Variants in ARHGEF28 observed in about 807,000 individuals in gnomAD.
The protein encoded by ARHGEF28 is 190 kDa guanine nucleotide exchange factor.
Under a neutral mutation model 206.6 loss-of-function variants are expected in ARHGEF28, and 152 were observed. The observed-to-expected ratio is 0.74, with a 90% CI of 0.64 to 0.84. ARHGEF28 has a LOEUF of 0.84. Ranked by LOEUF, ARHGEF28 falls within the 40% of genes least tolerant of loss-of-function variation. The pLI is 0.00. For synonymous variants in ARHGEF28, 763 were observed against 776.4 expected, an observed-to-expected ratio of 0.98 and a Z score of 0.29; for missense variants, 2,028 against 2,073.2, an observed-to-expected ratio of 0.98 and a Z score of 0.42.
intron 21 of ARHGEF28, among the ~76,000 whole-genome samples, chr5:73,870,418 C>T (rs57350865): frequency 0.059 from 8,917 of 152,140 alleles, 805 homozygotes; most frequent in African/African-American, 0.19. Flanking sequence ...AAACCACAAT[C>T]GGTTTTGCAA....
chr5:73,839,582 G>A (rs1214977365), intron 10 of ARHGEF28, among the ~76,000 whole-genome samples: 1 of 152,144 alleles, frequency 6.6e-6, no homozygotes, highest in Non-Finnish European at 1.5e-5. Flanking sequence ...TTTCATGCAT[G>A]TGGGTTGAGC....
intron 10 of ARHGEF28, among the ~76,000 whole-genome samples, chr5:73,839,584 G>T (rs993129696): frequency 6.6e-6 from 1 of 152,126 alleles, no homozygotes; most frequent in Non-Finnish European, 1.5e-5. Context: ...TCATGCATGT[G>T]GGTTGAGCTT....
At chr5:73,760,298 T>C (rs1232767185) in intron 4 of ARHGEF28, among the ~76,000 whole-genome samples, 1 of 139,548 alleles carries the variant, frequency 7.2e-6, no homozygotes, top group Non-Finnish European at 1.5e-5. Context: ...AATACAAGTT[T>C]CCAGTGTTTT....
chr5:73,702,686 T>A (rs1362541872), intron 2 of ARHGEF28, among the ~76,000 whole-genome samples: 4 of 152,208 alleles, frequency 2.6e-5, no homozygotes, highest in Admixed American at 1.3e-4. Flanking sequence ...TTTCTCCCCG[T>A]TTTTGCCAAC....
At chr5:73,747,900 A>G (rs1171949241) in intron 2 of ARHGEF28, among the ~76,000 whole-genome samples, 2 of 152,218 alleles carry the variant, frequency 1.3e-5, no homozygotes, top group African/African-American at 2.4e-5. Flanking sequence ...TTAAACTCTC[A>G]TAAGCTGTAG....
intron 9 of ARHGEF28, among the ~76,000 whole-genome samples, chr5:73,809,021 G>T (rs1649779387): frequency 6.6e-6 from 1 of 152,094 alleles, no homozygotes; most frequent in South Asian, 2.1e-4. Flanking sequence ...GTGGGCCGTG[G>T]CAGGCAGATC....
intron 35 of ARHGEF28, among the ~76,000 whole-genome samples, chr5:73,915,265 T>C (rs1389538740): frequency 3.7e-4 from 56 of 152,204 alleles, no homozygotes; most frequent in Non-Finnish European, 4.4e-5. Flanking sequence ...GTATCATAAA[T>C]ACTCTTTAGC....
intron 35 of ARHGEF28, 57 bp downstream of exon 35, chr5:73,911,632 A>T (rs376993254): frequency 2.9e-4 from 425 of 1,489,682 alleles, no homozygotes; most frequent in Non-Finnish European, 3.6e-4. Flanking sequence ...GTCCCTCTGA[A>T]TGGTTGGCTC....
At chr5:73,894,686 C>T (rs1023047413) in intron 29 of ARHGEF28, 111 bp downstream of exon 29, 7 of 1,273,490 alleles carry the variant, frequency 5.5e-6, no homozygotes, top group Non-Finnish European at 7.4e-6. Context: ...CAGAACAAGA[C>T]AAGGTCCTTA....
At chr5:73,628,424 A>G (rs1241164359) in intron 1 of ARHGEF28, among the ~76,000 whole-genome samples, 1 of 152,222 alleles carries the variant, frequency 6.6e-6, no homozygotes, top group Non-Finnish European at 1.5e-5. Flanking sequence ...GAAAAGCCTC[A>G]CCACTTGGGC....
chr5:73,825,668 T>A (rs1756864159), intron 9 of ARHGEF28, among the ~76,000 whole-genome samples: 1 of 152,172 alleles, frequency 6.6e-6, no homozygotes, highest in Non-Finnish European at 1.5e-5. Flanking sequence ...AAGACCGTGG[T>A]GGCTTGCCTG....
chr5:73,862,120 T>C (rs1759439494), intron 16 of ARHGEF28, among the ~76,000 whole-genome samples: 1 of 152,196 alleles, frequency 6.6e-6, no homozygotes, highest in South Asian at 2.1e-4. Flanking sequence ...TTGCTAATTT[T>C]CCACAAAATT....
intron 1 of ARHGEF28, among the ~76,000 whole-genome samples, chr5:73,640,673 G>A (rs1450855022): frequency 6.6e-6 from 1 of 152,146 alleles, no homozygotes; most frequent in African/African-American, 2.4e-5. Flanking sequence ...ATTTAGATGA[G>A]TGTTTTGCAT....
At chr5:73,870,342 A>G (rs1401838339) in intron 21 of ARHGEF28, 133 bp downstream of exon 21, 7 of 1,131,314 alleles carry the variant, frequency 6.2e-6, no homozygotes, top group African/African-American at 4.7e-5. Flanking sequence ...CAGACAAATT[A>G]TTTAGATCAC....
At chr5:73,798,410 A>G (rs527801540) in intron 9 of ARHGEF28, among the ~76,000 whole-genome samples, 3 of 152,132 alleles carry the variant, frequency 2.0e-5, no homozygotes, top group Non-Finnish European at 4.4e-5. Flanking sequence ...TTAGTTTATA[A>G]GCTGAAAATG....
intron 21 of ARHGEF28, 21 bp downstream of exon 21, chr5:73,870,230 C>G (rs1400368217): frequency 2.5e-6 from 4 of 1,607,534 alleles, no homozygotes; most frequent in Middle Eastern, 3.3e-4. Context: ...CAAATATGCT[C>G]TTTGGGTTGA....
intron 30 of ARHGEF28, 130 bp downstream of exon 30, chr5:73,898,223 AAAC>A: frequency 8.7e-7 from 1 of 1,150,826 alleles, no homozygotes; most frequent in Non-Finnish European, 1.2e-6. Flanking sequence ...AATTAGAAAA[AAAC>A]TGAGAATAAA....
intron 2 of ARHGEF28, among the ~76,000 whole-genome samples, chr5:73,726,647 C>T (rs1750292765): frequency 1.3e-5 from 2 of 152,240 alleles, no homozygotes; most frequent in East Asian, 1.9e-4. Flanking sequence ...TGCTGAATAG[C>T]GTTTCAGGGT....
At chr5:73,749,801 G>C in intron 2 of ARHGEF28, 36 bp from the exon 3 acceptor site, 2 of 1,610,826 alleles carry the variant, frequency 1.2e-6, no homozygotes, top group Non-Finnish European at 1.7e-6. Context: ...CCAGGACAAG[G>C]AAGTCTGACA....
Sources: gnomAD v4.1 joint callset for allele counts (sites outside exome capture counted in the v4.1 genomes callset) on GRCh38, gnomAD v4.1.1 for gene constraint, MANE v1.5 for transcripts, NCBI Gene and HGNC (gene_info 2026-07-23, HGNC 2026-07-21) for gene names.